Variants in PACRGL observed in about 807,000 individuals in gnomAD.
PACRGL encodes PACRG-like protein.
Under a neutral mutation model 34.5 loss-of-function variants are expected in PACRGL, and 38 were observed. The observed-to-expected ratio is 1.10, with a 90% CI of 0.85 to 1.44. The LOEUF (loss-of-function observed/expected upper bound fraction) is 1.44, where lower values mean the gene tolerates loss of function less well. PACRGL is among the 40% of genes most tolerant of loss of function. PACRGL has a pLI of 0.00. For synonymous variants in PACRGL, 128 were observed against 100.1 expected (o/e 1.28, Z -1.66); for missense variants, 305 against 281.4 (o/e 1.08, Z -0.60).
At chr4:20,758,745 A>AT in the PACRGL span, 1 of 1,064,304 alleles carries the variant, frequency 9.4e-7, no homozygotes, top group Admixed American at 1.9e-5. Flanking sequence ...GCATCATGCT[A>AT]TGAAAAATTA....
chr4:20,759,792 C>T, the PACRGL span, among the ~76,000 whole-genome samples: 165 of 152,234 alleles, frequency 1.1e-3, 1 homozygote, highest in African/African-American at 3.7e-3. Context: ...AGAATTTAGG[C>T]GTAGAGGCCC....
intron 8 of PACRGL, among the ~76,000 whole-genome samples, chr4:20,742,292 G>C (rs755425636): frequency 6.6e-6 from 1 of 152,178 alleles, no homozygotes; most frequent in African/African-American, 2.4e-5. Flanking sequence ...CAATATCCCT[G>C]CTGAACATCG....
At chr4:20,719,186 T>C (rs1426174880) in intron 7 of PACRGL, among the ~76,000 whole-genome samples, 1 of 152,214 alleles carries the variant, frequency 6.6e-6, no homozygotes, top group East Asian at 1.9e-4. Context: ...ATCCCTTGTA[T>C]CATTTTTTAT....
In PACRGL at chr4:20,728,929, T is replaced by TAATC. The variant is rs1746908125; in HGVS notation, c.*1589_*1592dup. 6.7e-6 allele frequency: 1 copy of TAATC among 149,354 alleles called. No homozygotes were observed. The highest frequency in any genetic ancestry group is 1.5e-5 in the Non-Finnish European group (1 of 67,198). The allele number at this position is 149,354 out of a possible 1,614,324, so 9.3% of individuals were successfully genotyped here. A position where few individuals can be genotyped will look rare whatever the true frequency, so the allele number is the denominator to read the frequency against. ...CAGTTTTGGCTAAGATGATTAAAAA[T>TAATC]AATCTGAATTATGATGAGCTAAATC... On this transcript the variant is annotated 3_prime_UTR_variant, in exon 9 of 9. Coordinates refer to ENST00000503585, the MANE Select transcript of PACRGL (RefSeq NM_001258345.3).
chr4:20,710,768 C>T (rs530921496), intron 5 of PACRGL, among the ~76,000 whole-genome samples: 1 of 152,194 alleles, frequency 6.6e-6, no homozygotes, highest in African/African-American at 2.4e-5. Flanking sequence ...TGTTTACTCT[C>T]TTAAGAGTAA....
intron 8 of PACRGL, among the ~76,000 whole-genome samples, chr4:20,742,719 A>G (rs1023450655): frequency 9.2e-5 from 14 of 152,162 alleles, no homozygotes; most frequent in African/African-American, 3.4e-4. Flanking sequence ...GGCCAGGGCA[A>G]TCAGGCAGGA....
chr4:20,723,453 G>T (rs1370544083), intron 7 of PACRGL, among the ~76,000 whole-genome samples: 5 of 151,148 alleles, frequency 3.3e-5, no homozygotes, highest in African/African-American at 1.2e-4. Flanking sequence ...GTTTTTGCAG[G>T]TGGGTGGGGG....
chr4:20,753,394 C>T (rs1386332761), downstream of PACRGL, among the ~76,000 whole-genome samples: 1 of 152,112 alleles, frequency 6.6e-6, no homozygotes, highest in East Asian at 1.9e-4. Context: ...GGTTACATAC[C>T]TTGGTGGTGG....
chr4:20,707,889 A>G lies in PACRGL; in HGVS notation c.275+19A>G, dbSNP rs1185421210. 1 of 1,543,108 alleles carries G rather than the reference A, an allele frequency of 6.5e-7. No homozygotes were observed. Among genetic ancestry groups the G allele is most frequent in the East Asian group, 2.2e-5 (1 of 44,480 alleles). On this transcript the variant is annotated intron_variant, in intron 4 of 8. Transcript: ENST00000503585. The stretch of plus-strand genomic sequence containing the variant: ...CTTGCAGGTAAAATCAATATGATTT[A>G]TAACTGACCAAATTATTCAAAATCA...
chr4:20,749,155 CAA>C (rs1553888859), intron 8 of PACRGL, among the ~76,000 whole-genome samples: 98 of 128,958 alleles, frequency 7.6e-4, no homozygotes, highest in South Asian at 9.9e-4. Flanking sequence ...GAGACTCTTT[CAA>C]AAAAAAAAAA....
chr4:20,740,666 C>T (rs1489187536), intron 8 of PACRGL, among the ~76,000 whole-genome samples: 1 of 152,196 alleles, frequency 6.6e-6, no homozygotes, highest in Non-Finnish European at 1.5e-5. Flanking sequence ...ACTGCATCAA[C>T]TAATGAGCAA....
intron 5 of PACRGL, among the ~76,000 whole-genome samples, chr4:20,710,412 A>AAATG (rs1736624265): frequency 6.6e-6 from 1 of 152,206 alleles, no homozygotes; most frequent in Non-Finnish European, 1.5e-5. Flanking sequence ...AGAAGTAGAG[A>AAATG]AATGAATTAA....
chr4:20,719,608 A>G (rs1290742610), intron 7 of PACRGL, among the ~76,000 whole-genome samples: 1 of 152,222 alleles, frequency 6.6e-6, no homozygotes, highest in Non-Finnish European at 1.5e-5. Context: ...ATTCCGGAGC[A>G]GGTTGTTCAG....
intron 1 of PACRGL, chr4:20,701,729 T>C: frequency 2.6e-6 from 1 of 381,314 alleles, no homozygotes; most frequent in Non-Finnish European, 5.3e-6. Context: ...CGTGGAGAAT[T>C]GGCTCCAGGA....
chr4:20,758,863 C>G, the PACRGL span: 3 of 1,613,250 alleles, frequency 1.9e-6, no homozygotes, highest in Non-Finnish European at 2.5e-6. Context: ...TTGAAGGTTT[C>G]TTCATTAACA....
rs1553880778 is a variant in PACRGL at position 20,728,774 on chromosome 4, A to ACCAGAATAGATACCTGATTT, written c.*1434_*1453dup. The stretch of plus-strand genomic sequence containing the variant: ...GCAGCTTTCAACATCCTATCTCTAC[A>ACCAGAATAGATACCTGATTT]CCAGAATAGATACCTGATTTATTGT... On this transcript the variant is annotated 3_prime_UTR_variant, in exon 9 of 9. Coordinates refer to ENST00000503585, the MANE Select transcript of PACRGL (RefSeq NM_001258345.3). 7.2e-5 allele frequency: 11 copies of ACCAGAATAGATACCTGATTT among 152,558 alleles called. No individual in the cohort carries two copies. The highest frequency in any genetic ancestry group is 2.4e-4 in the African/African-American group (10 of 41,430). The allele number at this position is 152,558 out of a possible 1,614,324, so 9.5% of individuals were successfully genotyped here.
At chr4:20,714,898 A>G (rs551506532) in intron 7 of PACRGL, among the ~76,000 whole-genome samples, 5 of 152,292 alleles carry the variant, frequency 3.3e-5, no homozygotes, top group Non-Finnish European at 5.9e-5. Flanking sequence ...TAGAAATACC[A>G]TTTGACCCAG....
At chr4:20,746,071 T>A (rs1752350818) in intron 8 of PACRGL, among the ~76,000 whole-genome samples, 1 of 152,130 alleles carries the variant, frequency 6.6e-6, no homozygotes, top group Admixed American at 6.6e-5. Context: ...TAAAGACACA[T>A]ACACATGTAT....
rs1428981686 is a variant in PACRGL, at chr4:20,729,961, TTGTTTGCATAATA to T, written c.*2623_*2635del. The stretch of plus-strand genomic sequence containing the variant: ...GGATTGCTTTATATTAAAACAAAGC[TTGTTTGCATAATA>T]TGCTTCAGTGTCAAGCTGAGCAATC... On this transcript the variant is annotated 3_prime_UTR_variant, in exon 9 of 9. Coordinates refer to ENST00000503585, the MANE Select transcript of PACRGL (RefSeq NM_001258345.3). 11 of 1,174,630 alleles carry T rather than the reference TTGTTTGCATAATA, an allele frequency of 9.4e-6. No individual in the cohort carries two copies. In the African/African-American group the frequency reaches 1.3e-4, roughly 13 times the overall value. 72.8% of individuals were successfully genotyped at this position (1,174,630 alleles called of 1,614,324 possible).
Sources: allele counts gnomAD v4.1 joint callset (sites outside exome capture counted in the v4.1 genomes callset), GRCh38; gene constraint gnomAD v4.1.1; transcripts MANE v1.5; gene names NCBI Gene and HGNC (gene_info 2026-07-23, HGNC 2026-07-21).